PCDHGA6: variants seen among roughly 807,000 people sequenced by gnomAD.
PCDHGA6 encodes the protein protocadherin gamma-A6.
A neutral mutation model predicts 60.6 loss-of-function variants in PCDHGA6; 41 were observed. The ratio of observed to expected loss-of-function variants is 0.68; its 90% CI spans 0.53 to 0.88. The LOEUF (loss-of-function observed/expected upper bound fraction) is 0.88, where lower values mean the gene tolerates loss of function less well. PCDHGA6 is among the 40% of genes least tolerant of loss of function. The pLI is 0.00. For synonymous variants in PCDHGA6, 594 were observed against 524.4 expected (o/e 1.13, Z -1.81); for missense variants, 1,312 against 1,203.0 (o/e 1.09, Z -1.34).
intron 1 of PCDHGA6, among the ~76,000 whole-genome samples, chr5:141,473,057 A>G (rs2099313037): frequency 2.6e-5 from 4 of 152,056 alleles, no homozygotes; most frequent in Non-Finnish European, 5.9e-5. Flanking sequence ...AAGTGATACA[A>G]CAAGTTACAG....
At position 141,381,826 on chromosome 5, in the gene PCDHGA6, C is replaced by CTTTTTTT. The variant is rs770630741; in HGVS notation, c.2424+5335_2424+5341dup. Among the ~76,000 whole-genome samples the CTTTTTTT allele has an allele frequency of 1.4e-3, 102 of 74,248 alleles. 2 individuals are homozygous for CTTTTTTT. The highest frequency in any genetic ancestry group is 1.7e-3 in the Non-Finnish European group (71 of 42,360). The allele number at this position is 74,248 out of a possible 152,430, so 48.7% of individuals were successfully genotyped here. ...TTTCTTTCTTTCTTTCTTTCTTCTT[C>CTTTTTTT]TTTTTTTTTTTTTTTTTTTTTTGGC... On this transcript the variant is annotated intron_variant, in intron 1 of 3. Transcript: ENST00000517434.
At chr5:141,403,552 G>T (rs1228068556) in intron 1 of PCDHGA6, 5 of 1,613,892 alleles carry the variant, frequency 3.1e-6, no homozygotes, top group Non-Finnish European at 4.2e-6. Context: ...AGCGCGCCCT[G>T]GACAGGGAGG....
At chr5:141,385,474 T>G (rs554098554) in intron 1 of PCDHGA6, 33 of 1,436,526 alleles carry the variant, frequency 2.3e-5, no homozygotes, top group Non-Finnish European at 2.7e-5. Context: ...GGTGACACTT[T>G]AATATAGAAC....
chr5:141,476,850 A>C lies in PCDHGA6; in HGVS notation c.2425-17957A>C, dbSNP rs747333239. Reference sequence around the variant, plus strand: ...GCGAATGACAATGCGCCTGTCTTCAACCAGTCCTTGTACCGGGCGCGCGTC... The same window carrying C: ...GCGAATGACAATGCGCCTGTCTTCACCCAGTCCTTGTACCGGGCGCGCGTC... On this transcript the variant is annotated intron_variant, in intron 1 of 3. Transcript: ENST00000517434. The surrounding 1 kb of genome is among the most constrained non-coding windows in gnomAD (Gnocchi z 7.6). The C allele has an allele frequency of 5.6e-6, 9 of 1,613,718 alleles. No individual in the cohort carries two copies. Among genetic ancestry groups the C allele is most frequent in the Non-Finnish European group, 7.6e-6 (9 of 1,180,054 alleles).
Position 141,383,965 on chromosome 5 carries a change from A to G in PCDHGA6, c.2424+7458A>G, listed in dbSNP as rs1208203107. ...GACTATGACGTCTTTAAGTAGCTCA[A>G]TCCCTGAAGACACACCTCTTGGGAC... On this transcript the variant is annotated intron_variant, in intron 1 of 3. Coordinates refer to ENST00000517434, the MANE Select transcript of PCDHGA6 (RefSeq NM_018919.3). 1 of 1,613,598 alleles carries G rather than the reference A, an allele frequency of 6.2e-7. No individual in the cohort carries two copies. The highest frequency in any genetic ancestry group is 2.2e-5 in the East Asian group (1 of 44,892).
intron 1 of PCDHGA6, chr5:141,383,579 A>G (rs756026538): frequency 6.2e-7 from 1 of 1,613,596 alleles, no homozygotes. Context: ...AGCACCGCCC[A>G]CATCCAGGTG....
intron 1 of PCDHGA6, chr5:141,405,091 C>G (rs761186505): frequency 8.1e-6 from 13 of 1,613,814 alleles, no homozygotes; most frequent in Non-Finnish European, 1.1e-5. Flanking sequence ...CGCTGCTGGC[C>G]CTCAGGCTGA....
chr5:141,388,941 C>T (rs191165529), intron 1 of PCDHGA6: 9 of 1,613,962 alleles, frequency 5.6e-6, no homozygotes, highest in Admixed American at 5.0e-5. Context: ...TCTACCCAAC[C>T]TAATTATGGA....
chr5:141,389,301 A>G (rs2091692161), intron 1 of PCDHGA6: 3 of 1,614,010 alleles, frequency 1.9e-6, no homozygotes, highest in Non-Finnish European at 2.5e-6. Flanking sequence ...TTCACAAGTC[A>G]GGGCTTCTGA....
At position 141,431,140 on chromosome 5, in the gene PCDHGA6, C is replaced by T. The variant is rs145692116; in HGVS notation, c.2424+54633C>T. 2.4e-5 allele frequency: 38 copies of T among 1,614,208 alleles called. No individual in the cohort carries two copies. Among genetic ancestry groups the T allele is most frequent in the Admixed American group, 3.3e-5 (2 of 60,038 alleles). On this transcript the variant is annotated intron_variant, in intron 1 of 3. Coordinates refer to ENST00000517434, the MANE Select transcript of PCDHGA6 (RefSeq NM_018919.3). This position sits in a 1 kb window ranked among gnomAD's most constrained non-coding sequence, Gnocchi z 4.8. ...TAGAAGTAGAAGTAAGGGACATTAA[C>T]GACAATGCGCCTTACTTTCGTGAAA...
At chr5:141,386,934 T>C (rs568938502) in intron 1 of PCDHGA6, among the ~76,000 whole-genome samples, 1 of 152,316 alleles carries the variant, frequency 6.6e-6, no homozygotes, top group Non-Finnish European at 1.5e-5. Flanking sequence ...AGTGCAGAGG[T>C]AGGAAGCAGT....
chr5:141,466,223 T>C (rs1313406487), intron 1 of PCDHGA6, among the ~76,000 whole-genome samples: 1 of 152,096 alleles, frequency 6.6e-6, no homozygotes, highest in African/African-American at 2.4e-5. Context: ...CAGGCTGGAG[T>C]GCAGTGGCAC....
At chr5:141,403,877 T>A in intron 1 of PCDHGA6, 1 of 1,613,796 alleles carries the variant, frequency 6.2e-7, no homozygotes, top group Non-Finnish European at 8.5e-7. Context: ...AAGTCTAGAT[T>A]ATGAAGAATG....
intron 1 of PCDHGA6, among the ~76,000 whole-genome samples, chr5:141,451,302 G>T (rs1445994098): frequency 6.6e-6 from 1 of 152,208 alleles, no homozygotes; most frequent in Non-Finnish European, 1.5e-5. Context: ...GTCTTACAAG[G>T]CAGCAATTAA....
intron 1 of PCDHGA6, among the ~76,000 whole-genome samples, chr5:141,481,994 A>AG (rs2099550091): frequency 1.3e-5 from 2 of 151,258 alleles, no homozygotes; most frequent in African/African-American, 4.9e-5. Context: ...TTGAAGCAGG[A>AG]GAATCGCTTT....
chr5:141,510,834 G>T, intron 3 of PCDHGA6, 113 bp from the exon 4 acceptor site: 1 of 1,581,880 alleles, frequency 6.3e-7, no homozygotes. Flanking sequence ...AGTGCTCAGC[G>T]TGGTCAAGGC....
intron 1 of PCDHGA6, chr5:141,414,115 G>A: frequency 6.3e-7 from 1 of 1,591,952 alleles, no homozygotes; most frequent in Middle Eastern, 1.7e-4. Flanking sequence ...TCTAGATTAT[G>A]AAGAAACCGG....
In PCDHGA6 at chr5:141,477,244, G is replaced by T. The variant is rs367944211; in HGVS notation, c.2425-17563G>T. On this transcript the variant is annotated intron_variant, in intron 1 of 3. Coordinates refer to ENST00000517434, the MANE Select transcript of PCDHGA6 (RefSeq NM_018919.3). The surrounding 1 kb of genome is among the most constrained non-coding windows in gnomAD (Gnocchi z 4.9). ...GGACTGTCATCGCTTTGCTCAGTGT[G>T]ACTGACCTGGATGCTGGCGAGAACG... 9 of 1,614,190 alleles carry T rather than the reference G, an allele frequency of 5.6e-6. No homozygotes were observed. Among genetic ancestry groups the T allele is most frequent in the Non-Finnish European group, 7.6e-6 (9 of 1,180,052 alleles).
At chr5:141,415,416 G>C (rs747598923) in intron 1 of PCDHGA6, 3 of 1,614,220 alleles carry the variant, frequency 1.9e-6, no homozygotes, top group Non-Finnish European at 2.5e-6. Flanking sequence ...TTGTGGGCGT[G>C]GACGGGGTTC....
Sources: allele counts gnomAD v4.1 joint callset (sites outside exome capture counted in the v4.1 genomes callset), GRCh38; gene constraint gnomAD v4.1.1; non-coding constraint Gnocchi (gnomAD v3.1); transcripts MANE v1.5; gene names NCBI Gene and HGNC (gene_info 2026-07-23, HGNC 2026-07-21).